UBAP2L: variants seen among roughly 807,000 people sequenced by gnomAD.
UBAP2L encodes ubiquitin-associated protein 2-like.
A neutral mutation model predicts 130.6 loss-of-function variants in UBAP2L; 12 were observed. The observed-to-expected ratio is 0.09, with a 90% CI of 0.06 to 0.15. The LOEUF is 0.15. Ranked by LOEUF, UBAP2L falls within the 10% of genes least tolerant of loss-of-function variation. The probability of loss-of-function intolerance (pLI) is 1.00; values close to 1 mark genes in which losing one functional copy is unlikely to be tolerated. For synonymous variants in UBAP2L, 503 were observed against 524.7 expected (o/e 0.96, Z 0.57); for missense variants, 965 against 1,332.5 (o/e 0.72, Z 4.29).
Position 154,225,103 on chromosome 1 carries a change from T to C in UBAP2L, c.-21T>C. On this transcript the variant is annotated 5_prime_UTR_variant, in exon 2 of 27. Coordinates refer to ENST00000428931, the MANE Select transcript of UBAP2L (RefSeq NM_014847.4). Reference sequence around the variant, plus strand: ...TTTCAGTATTCTACCTTGTAAATACTGTTATTTGTATATACTGTAAATGAT... The same window carrying C: ...TTTCAGTATTCTACCTTGTAAATACCGTTATTTGTATATACTGTAAATGAT... 3 of 1,612,848 alleles carry C rather than the reference T, an allele frequency of 1.9e-6. No homozygotes were observed.
At chr1:154,236,649 C>T in intron 7 of UBAP2L, 38 bp downstream of exon 7, 1 of 1,611,018 alleles carries the variant, frequency 6.2e-7, no homozygotes, top group Non-Finnish European at 8.5e-7. Flanking sequence ...TTTTTTTTCC[C>T]TTAAAAATTA....
At chr1:154,232,927 G>A (rs1301352393) in intron 4 of UBAP2L, among the ~76,000 whole-genome samples, 2 of 152,036 alleles carry the variant, frequency 1.3e-5, no homozygotes, top group Non-Finnish European at 2.9e-5. Context: ...CAGATTCCTG[G>A]CCTGAAATGA....
chr1:154,255,397 C>G, intron 17 of UBAP2L, 71 bp downstream of exon 17: 2 of 1,559,730 alleles, frequency 1.3e-6, no homozygotes, highest in Non-Finnish European at 1.7e-6. Flanking sequence ...CCTTATTACT[C>G]CCTTGACCTG....
rs771916658 is a variant in UBAP2L, at chr1:154,268,875, C to T, written c.3089C>T (p.Ala1030Val). Residue 1030 changes from alanine to valine, a missense_variant, in exon 26 of 27, where the codon GCC becomes GTC. This residue lies in a region of UBAP2L where 194 missense variants were observed against 334.0 expected (regional missense o/e 0.58). Transcript: ENST00000428931. ...NPATAAAYPPAPFMHILTPHQ... is the reference protein window; with the variant it reads ...NPATAAAYPPVPFMHILTPHQ... ...GCCACAGCTGCTGCCTACCCACCTG[C>T]CCCCTTTATGCACATTCTGACCCCC... The T allele has an allele frequency of 1.2e-6, 2 of 1,606,564 alleles. No individual in the cohort carries two copies. The highest frequency in any genetic ancestry group is 1.7e-6 in the Non-Finnish European group (2 of 1,175,178).
chr1:154,260,938 G>T lies in UBAP2L; in HGVS notation c.2625G>T (p.Pro875=), dbSNP rs563005276. The change falls in exon 23 of 27, where the codon CCG becomes CCT. Residue 875 remains proline, a synonymous_variant. Transcript: ENST00000428931. The part of the protein sequence containing the change: ...FGRGDASSPA[P]ATTLAQPQQN... ...GTGGGGATGCCTCCTCCCCAGCCCC[G>T]GCCACAACCTTGGCCCAACCCCAAC... 1 of 1,614,072 alleles carries T rather than the reference G, an allele frequency of 6.2e-7. No individual in the cohort carries two copies.
At chr1:154,247,222 C>A (rs1675826580) in intron 11 of UBAP2L, among the ~76,000 whole-genome samples, 1 of 152,120 alleles carries the variant, frequency 6.6e-6, no homozygotes, top group Non-Finnish European at 1.5e-5. Context: ...AACTGCCAAG[C>A]TAGCTACTAA....
intron 19 of UBAP2L, 40 bp downstream of exon 19, chr1:154,257,298 G>A: frequency 1.2e-6 from 2 of 1,614,114 alleles, no homozygotes; most frequent in South Asian, 2.2e-5. Context: ...CTGGGATGGA[G>A]GAGGTAAGTA....
chr1:154,268,236 G>C (rs542937597), intron 25 of UBAP2L, among the ~76,000 whole-genome samples: 64 of 151,298 alleles, frequency 4.2e-4, no homozygotes, highest in African/African-American at 1.5e-3. Flanking sequence ...CTGTCTCCCA[G>C]GCTGGAGTGC....
intron 24 of UBAP2L, 152 bp downstream of exon 24, chr1:154,261,849 T>C (rs1681651243): frequency 1.4e-5 from 10 of 716,672 alleles, no homozygotes; most frequent in Admixed American, 1.3e-4. Context: ...CTTGGGTATC[T>C]GTGGGAGCAG....
At chr1:154,232,733 C>G (rs1056152209) in intron 4 of UBAP2L, among the ~76,000 whole-genome samples, 4 of 152,124 alleles carry the variant, frequency 2.6e-5, no homozygotes, top group Admixed American at 6.5e-5. Flanking sequence ...GGGTCTTACT[C>G]TGTCACCTAG....
At chr1:154,230,027 T>G (rs1379480000) in intron 4 of UBAP2L, among the ~76,000 whole-genome samples, 1 of 152,108 alleles carries the variant, frequency 6.6e-6, no homozygotes, top group Non-Finnish European at 1.5e-5. Context: ...GCTAATTTTT[T>G]TTTTTTGAGA....
chr1:154,271,179 G>A (rs558587361), downstream of UBAP2L: 557 of 441,018 alleles, frequency 1.3e-3, 1 homozygote, highest in Non-Finnish European at 1.9e-3. Flanking sequence ...GAGATTGGGT[G>A]GAAAATGGAG....
chr1:154,251,795 C>A, intron 14 of UBAP2L, 142 bp downstream of exon 14: 2 of 916,764 alleles, frequency 2.2e-6, no homozygotes, highest in Non-Finnish European at 3.2e-6. Flanking sequence ...ATTTTTAGTG[C>A]TTTAAAATAT....
At chr1:154,228,195 T>G (rs969197681) in intron 3 of UBAP2L, among the ~76,000 whole-genome samples, 2 of 152,018 alleles carry the variant, frequency 1.3e-5, no homozygotes, top group Admixed American at 6.6e-5. Flanking sequence ...TTTTGTTTTT[T>G]TTTTTATTTT....
chr1:154,251,779 C>T, intron 14 of UBAP2L, 126 bp downstream of exon 14: 1 of 1,073,610 alleles, frequency 9.3e-7, no homozygotes, highest in South Asian at 1.6e-5. Context: ...AGTAGTCAGT[C>T]ATAGCATTTT....
chr1:154,220,394 C>G (rs1665489691), upstream of UBAP2L: 1 of 1,614,136 alleles, frequency 6.2e-7, no homozygotes, highest in Admixed American at 1.7e-5. Context: ...GAGCCAGTTA[C>G]TGCCGGACGC....
At chr1:154,237,540 T>G (rs1358049027) in intron 8 of UBAP2L, among the ~76,000 whole-genome samples, 3 of 152,234 alleles carry the variant, frequency 2.0e-5, no homozygotes, top group African/African-American at 7.2e-5. Flanking sequence ...GTGTTGCCTT[T>G]TGAAAAGATA....
At chr1:154,263,264 G>A (rs1682174020) in intron 24 of UBAP2L, 3 of 1,511,276 alleles carry the variant, frequency 2.0e-6, no homozygotes, top group African/African-American at 2.8e-5. Flanking sequence ...GCCATGGCCT[G>A]CGTGGCTTGG....
chr1:154,223,098 C>A (rs1423713101), intron 1 of UBAP2L, among the ~76,000 whole-genome samples: 1 of 146,806 alleles, frequency 6.8e-6, no homozygotes, highest in Non-Finnish European at 1.5e-5. Flanking sequence ...TGACCTGTTG[C>A]TCAGTGTTGT....
Sources: gnomAD v4.1 joint callset for allele counts (sites outside exome capture counted in the v4.1 genomes callset) on GRCh38, gnomAD v4.1.1 for gene constraint, gnomAD v4.1.1 regional missense constraint, MANE v1.5 for transcripts, NCBI Gene and HGNC (gene_info 2026-07-23, HGNC 2026-07-21) for gene names.